Variants in IGF2BP2 observed in about 807,000 individuals in gnomAD.
IGF2BP2 encodes insulin-like growth factor 2 mRNA-binding protein 2.
A neutral mutation model predicts 75.8 loss-of-function variants in IGF2BP2; 17 were observed. That is an observed-to-expected ratio of 0.22 (90% CI 0.15 to 0.34). IGF2BP2 has a LOEUF of 0.34. Among genes scored for constraint, IGF2BP2 ranks in the 10% least tolerant of loss-of-function variants. The probability of loss-of-function intolerance (pLI) is 1.00; values close to 1 mark genes in which losing one functional copy is unlikely to be tolerated. For missense variants in IGF2BP2, 516 were observed against 772.4 expected, an observed-to-expected ratio of 0.67 and a Z score of 3.93; for synonymous variants, 288 against 295.6, an observed-to-expected ratio of 0.97 and a Z score of 0.26.
intron 10 of IGF2BP2, among the ~76,000 whole-genome samples, chr3:185,664,417 A>T (rs758471210): frequency 2.0e-5 from 3 of 152,216 alleles, no homozygotes; most frequent in Non-Finnish European, 4.4e-5. Context: ...ATGGACAATT[A>T]AAATCCATTA....
chr3:185,723,940 G>T, intron 2 of IGF2BP2, among the ~76,000 whole-genome samples: 1 of 152,216 alleles, frequency 6.6e-6, no homozygotes, highest in East Asian at 1.9e-4. Flanking sequence ...CAACCGAAGC[G>T]GGTAAGCAGG....
At chr3:185,701,165 A>G (rs1014523424) in intron 2 of IGF2BP2, among the ~76,000 whole-genome samples, 2 of 152,000 alleles carry the variant, frequency 1.3e-5, no homozygotes, top group African/African-American at 4.8e-5. Context: ...CCTGGGCTCT[A>G]GTGATCCTCC....
Position 185,809,815 on chromosome 3 carries a change from T to C in IGF2BP2, c.239+13338A>G, listed in dbSNP as rs571275304. ...AGTAAATTTTTATTGATATTACAGCTTCAATCTTAATTTATCCAAAAATAT... is the reference window on the plus strand; with the variant it reads ...AGTAAATTTTTATTGATATTACAGCCTCAATCTTAATTTATCCAAAAATAT... On this transcript the variant is annotated intron_variant, in intron 2 of 15. Coordinates refer to ENST00000382199, the MANE Select transcript of IGF2BP2 (RefSeq NM_006548.6). Among the ~76,000 whole-genome samples the C allele has an allele frequency of 1.3e-4, 20 of 152,272 alleles. No homozygotes were observed. The East Asian group carries it at 3.5e-3, about 26-fold the overall frequency.
At chr3:185,695,089 A>C (rs935181530) in intron 4 of IGF2BP2, among the ~76,000 whole-genome samples, 1 of 152,106 alleles carries the variant, frequency 6.6e-6, no homozygotes, top group African/African-American at 2.4e-5. Context: ...TCCGCCTCAA[A>C]AAAAAAAGCA....
intron 10 of IGF2BP2, among the ~76,000 whole-genome samples, chr3:185,668,500 G>GATATAT (rs1209272708): frequency 3.9e-5 from 5 of 127,048 alleles, no homozygotes; most frequent in African/African-American, 1.6e-4. Flanking sequence ...GAGAGAGAGA[G>GATATAT]AGAGAGAGAT....
At chr3:185,741,757 C>A (rs1490148994) in intron 2 of IGF2BP2, among the ~76,000 whole-genome samples, 1 of 152,182 alleles carries the variant, frequency 6.6e-6, no homozygotes, top group African/African-American at 2.4e-5. Context: ...GGTAGACCCA[C>A]CATGAGTGGG....
chr3:185,665,324 AG>A, intron 10 of IGF2BP2, among the ~76,000 whole-genome samples: 1 of 92,970 alleles, frequency 1.1e-5, no homozygotes, highest in Non-Finnish European at 2.2e-5. Flanking sequence ...AAGGAGAAGG[AG>A]GAGGAGGAGG....
chr3:185,808,117 TAAA>T (rs1188624871), intron 2 of IGF2BP2, among the ~76,000 whole-genome samples: 73 of 128,058 alleles, frequency 5.7e-4, no homozygotes, highest in African/African-American at 1.4e-3. Context: ...TCGTTTCTTT[TAAA>T]AAAAAAAAAA....
chr3:185,655,845 C>T (rs1715353243), intron 12 of IGF2BP2, among the ~76,000 whole-genome samples: 1 of 152,224 alleles, frequency 6.6e-6, no homozygotes, highest in Admixed American at 6.5e-5. Context: ...AGCTTTGTGG[C>T]CTTGGACAAG....
At chr3:185,689,726 T>A in intron 5 of IGF2BP2, 99 bp from the exon 6 acceptor site, 1 of 1,393,856 alleles carries the variant, frequency 7.2e-7, no homozygotes, top group South Asian at 1.2e-5. Context: ...CCCAGCACTT[T>A]GGGAGGCCGA....
At chr3:185,758,933 G>A (rs1240574535) in intron 2 of IGF2BP2, among the ~76,000 whole-genome samples, 3 of 152,176 alleles carry the variant, frequency 2.0e-5, no homozygotes, top group Non-Finnish European at 2.9e-5. Flanking sequence ...TAAACAGCTT[G>A]TAAACTCCTA....
intron 4 of IGF2BP2, among the ~76,000 whole-genome samples, chr3:185,694,731 T>C (rs1217955366): frequency 6.6e-6 from 1 of 152,202 alleles, no homozygotes. Context: ...TAATCTTAAC[T>C]AGTAACTTTT....
rs780871526 is a variant in IGF2BP2 at position 185,689,520 on chromosome 3, C to T, written c.512G>A (p.Arg171His). Residue 171 changes from arginine to histidine, a missense_variant, in exon 6 of 16, where the codon CGT becomes CAT. Physicochemically the swap from Arg to His is conservative, Grantham distance 29 (BLOSUM62 0). Coordinates refer to ENST00000382199, the MANE Select transcript of IGF2BP2 (RefSeq NM_006548.6). ...TTGCTCCCGGGAAGAGTGGTCCCCA[C>T]GCTGGGCTCGCTGAGGGGGCGAAGG... ...SSPSPPQRAQRGDHSSREQGH... is the reference protein window; with the variant it reads ...SSPSPPQRAQHGDHSSREQGH... 2.0e-5 allele frequency: 32 copies of T among 1,614,038 alleles called. No individual in the cohort carries two copies. Among genetic ancestry groups the T allele is most frequent in the African/African-American group, 4.0e-5 (3 of 74,934 alleles).
At chr3:185,708,396 C>T (rs1724346507) in intron 2 of IGF2BP2, among the ~76,000 whole-genome samples, 1 of 152,144 alleles carries the variant, frequency 6.6e-6, no homozygotes, top group South Asian at 2.1e-4. Flanking sequence ...TCAACCGCAA[C>T]GTAGAGTCAC....
chr3:185,747,811 A>ATATTT (rs1275268075), intron 2 of IGF2BP2, among the ~76,000 whole-genome samples: 16 of 113,672 alleles, frequency 1.4e-4, no homozygotes, highest in East Asian at 4.3e-4. Context: ...TCACGATTTT[A>ATATTT]TATTTTATTT....
intron 7 of IGF2BP2, among the ~76,000 whole-genome samples, chr3:185,683,203 A>G (rs1346745740): frequency 6.6e-6 from 1 of 152,234 alleles, no homozygotes; most frequent in African/African-American, 2.4e-5. Flanking sequence ...GAATAATAGT[A>G]TATGATTCTA....
chr3:185,663,418 G>C (rs1226340747), intron 10 of IGF2BP2, among the ~76,000 whole-genome samples: 1 of 152,150 alleles, frequency 6.6e-6, no homozygotes, highest in East Asian at 1.9e-4. Flanking sequence ...TCAACTTCAG[G>C]AACACTGGTG....
intron 12 of IGF2BP2, among the ~76,000 whole-genome samples, chr3:185,655,579 C>T (rs1050780032): frequency 3.3e-5 from 5 of 152,234 alleles, no homozygotes; most frequent in African/African-American, 1.2e-4. Context: ...CCTTCCTAAG[C>T]TGTAGAGTCC....
At chr3:185,717,144 C>T (rs902265754) in intron 2 of IGF2BP2, 32 of 199,818 alleles carry the variant, frequency 1.6e-4, no homozygotes, top group Admixed American at 6.3e-4. Context: ...CTTTGGCAGC[C>T]GTGGAGCTCT....
Sources: gnomAD v4.1 joint callset for allele counts (sites outside exome capture counted in the v4.1 genomes callset) on GRCh38, gnomAD v4.1.1 for gene constraint, MANE v1.5 for transcripts, NCBI Gene and HGNC (gene_info 2026-07-23, HGNC 2026-07-21) for gene names.